The following MAMDC2 variants were observed in gnomAD, a reference collection of about 807,000 sequenced individuals.
The protein encoded by MAMDC2 is MAM domain-containing protein 2.
A neutral mutation model predicts 89.8 loss-of-function variants in MAMDC2; 57 were observed. The observed-to-expected ratio is 0.63, with a 90% CI of 0.51 to 0.79. The LOEUF (loss-of-function observed/expected upper bound fraction) is 0.79, where lower values mean the gene tolerates loss of function less well. Ranked by LOEUF, MAMDC2 falls within the 30% of genes least tolerant of loss-of-function variation. MAMDC2 has a pLI of 0.00. For synonymous variants in MAMDC2, 313 were observed against 293.4 expected (o/e 1.07, Z -0.68); for missense variants, 800 against 820.6 (o/e 0.97, Z 0.31).
At position 70,168,739 on chromosome 9, in the gene MAMDC2, G is replaced by C. The variant is rs762650076; in HGVS notation, c.1442G>C (p.Cys481Ser). 2 of 1,614,022 alleles carry C rather than the reference G, an allele frequency of 1.2e-6. No individual in the cohort carries two copies. Among genetic ancestry groups the C allele is most frequent in the Admixed American group, 3.3e-5 (2 of 59,994 alleles). ...AGCCTATGCAAAAGTTTCTGGGACT[G>C]TGGGCTTGTAGCCCTGGATGACATT... ...FMSLCKSFWD[C>S]GLVALDDITI... The change falls in exon 10 of 14, where the codon TGT becomes TCT. Residue 481 changes from cysteine to serine, a missense_variant. Cys to Ser is a moderately radical substitution (Grantham distance 112). Transcript: ENST00000377182.
rs113107769 is a variant in MAMDC2 at position 70,111,269 on chromosome 9, C to A, written c.505+1465C>A. Among the ~76,000 whole-genome samples the A allele has an allele frequency of 7.5e-3, 1,141 of 151,930 alleles. 18 individuals carry two copies. The highest frequency in any genetic ancestry group is 0.025 in the African/African-American group (1,031 of 41,200). On this transcript the variant is annotated intron_variant, in intron 4 of 13. Coordinates refer to ENST00000377182, the MANE Select transcript of MAMDC2 (RefSeq NM_153267.5). ...CTAGGATTCTTAGGAGGAGGAATATCCTGGTTATGAAAATAATTGGTATAT... is the reference window on the plus strand; with the variant it reads ...CTAGGATTCTTAGGAGGAGGAATATACTGGTTATGAAAATAATTGGTATAT...
chr9:70,115,613 C>T (rs964846628), intron 5 of MAMDC2, among the ~76,000 whole-genome samples: 6 of 152,176 alleles, frequency 3.9e-5, no homozygotes, highest in African/African-American at 1.4e-4. Flanking sequence ...GCCTCGGCCT[C>T]CCAAAGTGCT....
intron 6 of MAMDC2, among the ~76,000 whole-genome samples, chr9:70,128,150 A>G (rs545737697): frequency 7.6e-4 from 116 of 152,332 alleles, no homozygotes; most frequent in African/African-American, 2.8e-3. Flanking sequence ...GTTTAATGTC[A>G]TCACATTCTC....
chr9:70,161,460 A>G (rs1047828183), intron 9 of MAMDC2, among the ~76,000 whole-genome samples: 1 of 152,222 alleles, frequency 6.6e-6, no homozygotes, highest in Non-Finnish European at 1.5e-5. Flanking sequence ...TCAGCTAAAA[A>G]CTTATTTAAA....
chr9:70,044,712 T>C lies in MAMDC2; in HGVS notation c.148+15T>C. The C allele has an allele frequency of 6.5e-7, 1 of 1,531,142 alleles. No individual in the cohort carries two copies. Among genetic ancestry groups the C allele is most frequent in the South Asian group, 1.2e-5 (1 of 83,662 alleles). The allele number at this position is 1,531,142 out of a possible 1,614,324, so 94.8% of individuals were successfully genotyped here. The stretch of plus-strand genomic sequence containing the variant: ...AAATGAGGAAGGTAAGGAGGCTCGG[T>C]GGAGAGGGGCGCGAAGTGAACTTTC... On this transcript the variant is annotated intron_variant, in intron 2 of 13. Transcript: ENST00000377182.
At chr9:70,173,751 C>T (rs992531917) in intron 11 of MAMDC2, among the ~76,000 whole-genome samples, 4 of 152,060 alleles carry the variant, frequency 2.6e-5, no homozygotes, top group Admixed American at 6.6e-5. Context: ...AAAAATAGCA[C>T]TGAAGGGAAG....
In MAMDC2 at chr9:70,050,780, A is replaced by T. The variant is rs569016932; in HGVS notation, c.148+6083A>T. ...CTTATAGTTATGCCATCTACTCTTC[A>T]TTCCAACCAGAGAAAGAACCTTACT... On this transcript the variant is annotated intron_variant, in intron 2 of 13. Transcript: ENST00000377182. Among the ~76,000 whole-genome samples, 16 of 152,300 alleles carry T rather than the reference A, an allele frequency of 1.1e-4. No homozygotes were observed. In the East Asian group the frequency reaches 2.9e-3, roughly 28 times the overall value.
chr9:70,052,550 C>T (rs1024514386), intron 2 of MAMDC2, among the ~76,000 whole-genome samples: 5 of 152,146 alleles, frequency 3.3e-5, no homozygotes, highest in African/African-American at 1.2e-4. Flanking sequence ...CTGCACTTTC[C>T]ACTGTGTAAG....
intron 8 of MAMDC2, among the ~76,000 whole-genome samples, chr9:70,142,883 T>C (rs2031274769): frequency 6.6e-6 from 1 of 152,170 alleles, no homozygotes; most frequent in Admixed American, 6.6e-5. Flanking sequence ...CTTTCCAGGA[T>C]ACACAAACTC....
At chr9:70,224,363 T>C (rs1249076519) in intron 12 of MAMDC2, among the ~76,000 whole-genome samples, 1 of 152,162 alleles carries the variant, frequency 6.6e-6, no homozygotes, top group African/African-American at 2.4e-5. Context: ...CATTGCTATA[T>C]ACAAGCTGGA....
At chr9:70,078,789 T>C (rs1167045188) in intron 2 of MAMDC2, among the ~76,000 whole-genome samples, 1 of 152,194 alleles carries the variant, frequency 6.6e-6, no homozygotes, top group African/African-American at 2.4e-5. Context: ...AAAATTCTTT[T>C]CTTTTCTCAG....
chr9:70,132,940 G>T (rs2030864789), intron 7 of MAMDC2, among the ~76,000 whole-genome samples: 1 of 152,156 alleles, frequency 6.6e-6, no homozygotes. Flanking sequence ...TTGTAAAACA[G>T]ATAGAACCAG....
chr9:70,180,835 T>C (rs1038023644), intron 11 of MAMDC2, among the ~76,000 whole-genome samples: 1 of 152,242 alleles, frequency 6.6e-6, no homozygotes, highest in Non-Finnish European at 1.5e-5. Flanking sequence ...TTTCTTTTGC[T>C]GTGCAGAAGC....
chr9:70,131,413 C>A, intron 6 of MAMDC2, 106 bp from the exon 7 acceptor site: 1 of 727,838 alleles, frequency 1.4e-6, no homozygotes, highest in Non-Finnish European at 2.3e-6. Flanking sequence ...GTCCTTGTAA[C>A]TTGGCTTCAT....
chr9:70,178,752 T>C (rs758556036), intron 11 of MAMDC2, among the ~76,000 whole-genome samples: 22 of 152,160 alleles, frequency 1.4e-4, no homozygotes, highest in Non-Finnish European at 2.4e-4. Context: ...GCCCCAGAGT[T>C]ATAATAAGTC....
chr9:70,086,736 G>A (rs1180385523), intron 2 of MAMDC2: 4 of 152,086 alleles, frequency 2.6e-5, no homozygotes, highest in Non-Finnish European at 5.9e-5. Flanking sequence ...CTATCATAGA[G>A]TAGAAAATAT....
At chr9:70,057,470 T>A (rs1488589641) in intron 2 of MAMDC2, among the ~76,000 whole-genome samples, 1 of 152,178 alleles carries the variant, frequency 6.6e-6, no homozygotes, top group Non-Finnish European at 1.5e-5. Flanking sequence ...ACTCAGCTAC[T>A]CACAATAAAA....
intron 9 of MAMDC2, among the ~76,000 whole-genome samples, chr9:70,162,711 C>G (rs1285136841): frequency 6.6e-6 from 1 of 151,926 alleles, no homozygotes; most frequent in Non-Finnish European, 1.5e-5. Flanking sequence ...AGGCTGGTCT[C>G]GAACTGGCTG....
chr9:70,160,541 C>T (rs994975084), intron 9 of MAMDC2, among the ~76,000 whole-genome samples: 1 of 152,148 alleles, frequency 6.6e-6, no homozygotes, highest in African/African-American at 2.4e-5. Flanking sequence ...TGCAATCAGA[C>T]ACACTTTGCT....
Sources: gnomAD v4.1 joint callset for allele counts (sites outside exome capture counted in the v4.1 genomes callset) on GRCh38, gnomAD v4.1.1 for gene constraint, MANE v1.5 for transcripts, NCBI Gene and HGNC (gene_info 2026-07-23, HGNC 2026-07-21) for gene names.